The following TTL variants were observed in gnomAD, a reference collection of about 807,000 sequenced individuals.
The protein encoded by TTL is tubulin--tyrosine ligase.
TTL carries 10 observed loss-of-function variants against 41.1 expected under a neutral mutation model. The observed-to-expected ratio is 0.24, with a 90% CI of 0.15 to 0.41. TTL has a LOEUF of 0.41. Ranked by LOEUF, TTL falls within the 10% of genes least tolerant of loss-of-function variation. The probability of loss-of-function intolerance (pLI) is 1.00; values close to 1 mark genes in which losing one functional copy is unlikely to be tolerated. For missense variants in TTL, 367 were observed against 460.4 expected (o/e 0.80, Z 1.86); for synonymous variants, 175 against 175.5 (o/e 1.00, Z 0.02).
chr2:112,525,818 A>G (rs1473174993), intron 6 of TTL, among the ~76,000 whole-genome samples: 1 of 152,132 alleles, frequency 6.6e-6, no homozygotes, highest in Non-Finnish European at 1.5e-5. Flanking sequence ...AACTTCCAAC[A>G]CTATGTTGAA....
Position 112,482,396 on chromosome 2 carries a change from T to A in TTL, c.52T>A (p.Ser18Thr). 1 of 1,599,924 alleles carries A rather than the reference T, an allele frequency of 6.3e-7. No homozygotes were observed. The highest frequency in any genetic ancestry group is 8.5e-7 in the Non-Finnish European group (1 of 1,174,400). Residue 18 changes from serine (S) to threonine (T), a missense_variant, in exon 1 of 7, where the codon TCC becomes ACC. Transcript: ENST00000233336. The surrounding 1 kb of genome is among the most constrained non-coding windows in gnomAD (Gnocchi z 5.3). ...DENSSVYAEV[S>T]RLLLATGHWK... ...GAACAGCAGCGTCTACGCCGAGGTC[T>A]CCCGGCTGCTCCTCGCCACCGGCCA... is the stretch of plus-strand genomic sequence containing the variant.
rs12465241 is a variant in TTL, at chr2:112,533,808, G to A, written c.*5013G>A. 34,447 of 152,050 alleles carry A rather than the reference G, an allele frequency of 0.23. 4,574 individuals carry two copies. The highest frequency in any genetic ancestry group is 0.58 in the East Asian group (2,984 of 5,166). 9.4% of individuals were successfully genotyped at this position (152,050 alleles called of 1,614,324 possible). A position where few individuals can be genotyped will look rare whatever the true frequency, so the allele number is the denominator to read the frequency against. On this transcript the variant is annotated 3_prime_UTR_variant, in exon 7 of 7. Coordinates refer to ENST00000233336, the MANE Select transcript of TTL (RefSeq NM_153712.5). ...ATTAAGTTTCCAACACATTTACTTT[G>A]GGGAACACATTCAAACCATAGCAGT...
chr2:112,535,002 A>C lies in TTL; in HGVS notation c.*6207A>C, dbSNP rs1682573076. On this transcript the variant is annotated 3_prime_UTR_variant, in exon 7 of 7. Coordinates refer to ENST00000233336, the MANE Select transcript of TTL (RefSeq NM_153712.5). ...AAGGAAAGAAAGGCAGGCAGAAAGAAGGAGAAAGGGAGGGAGGGAGGGAAA... is the reference window on the plus strand; with the variant it reads ...AAGGAAAGAAAGGCAGGCAGAAAGACGGAGAAAGGGAGGGAGGGAGGGAAA... 1 of 140,082 alleles carries C rather than the reference A, an allele frequency of 7.1e-6. No homozygotes were observed. The highest frequency in any genetic ancestry group is 1.6e-5 in the Non-Finnish European group (1 of 63,784). The allele number at this position is 140,082 out of a possible 1,614,324, so 8.7% of individuals were successfully genotyped here.
chr2:112,494,436 G>T, intron 3 of TTL, 61 bp downstream of exon 3: 1 of 1,281,200 alleles, frequency 7.8e-7, no homozygotes, highest in South Asian at 1.4e-5. Flanking sequence ...GATGTATTTA[G>T]ATGAATGACC....
At chr2:112,518,096 G>A (rs1236603974) in intron 5 of TTL, among the ~76,000 whole-genome samples, 1 of 151,642 alleles carries the variant, frequency 6.6e-6, no homozygotes, top group Non-Finnish European at 1.5e-5. Flanking sequence ...GAGTTGCTGG[G>A]TTGCTGGGAT....
At chr2:112,496,750 C>G (rs1681542506) in intron 3 of TTL, among the ~76,000 whole-genome samples, 2 of 142,552 alleles carry the variant, frequency 1.4e-5, no homozygotes, top group Non-Finnish European at 1.5e-5. Flanking sequence ...CTTTGTTGCC[C>G]AGGCTGGAGT....
intron 3 of TTL, 131 bp downstream of exon 3, chr2:112,494,506 C>T (rs1384685111): frequency 4.2e-6 from 3 of 709,242 alleles, no homozygotes; most frequent in Non-Finnish European, 7.1e-6. Context: ...TTATAAATAC[C>T]CATCTATGTA....
intron 3 of TTL, among the ~76,000 whole-genome samples, chr2:112,497,412 G>T: frequency 6.6e-6 from 1 of 152,028 alleles, no homozygotes. Context: ...CTCTTGCTCT[G>T]TGTTATCCTC....
chr2:112,501,545 C>T (rs941340140), intron 4 of TTL, among the ~76,000 whole-genome samples: 14 of 151,714 alleles, frequency 9.2e-5, no homozygotes, highest in South Asian at 6.3e-4. Context: ...GAAAATGTTA[C>T]TACGATTATG....
At chr2:112,502,863 C>A in intron 4 of TTL, 49 bp from the exon 5 acceptor site, 1 of 1,564,240 alleles carries the variant, frequency 6.4e-7, no homozygotes, top group Non-Finnish European at 8.7e-7. Flanking sequence ...ATATAATATG[C>A]AGAAACTTTG....
chr2:112,482,377 C>T lies in TTL; in HGVS notation c.33C>T (p.Ser11=), dbSNP rs1307589807. Residue 11 remains serine, a synonymous_variant, in exon 1 of 7, where the codon AGC becomes AGT. Coordinates refer to ENST00000233336, the MANE Select transcript of TTL (RefSeq NM_153712.5). This position sits in a 1 kb window ranked among gnomAD's most constrained non-coding sequence, Gnocchi z 5.3. ...CCTTCGTGGTACGCGATGAGAACAG[C>T]AGCGTCTACGCCGAGGTCTCCCGGC... The part of the protein sequence containing the change: MYTFVVRDEN[S]SVYAEVSRLL... 3 of 1,583,258 alleles carry T rather than the reference C, an allele frequency of 1.9e-6. No homozygotes were observed. The South Asian group carries it at 3.4e-5, about 18-fold the overall frequency.
At position 112,533,529 on chromosome 2, in the gene TTL, G is replaced by A. The variant is rs908339714; in HGVS notation, c.*4734G>A. The A allele has an allele frequency of 6.6e-6, 1 of 152,248 alleles. No individual in the cohort carries two copies. The highest frequency in any genetic ancestry group is 2.4e-5 in the African/African-American group (1 of 41,458). 9.4% of individuals were successfully genotyped at this position (152,248 alleles called of 1,614,324 possible). A position where few individuals can be genotyped will look rare whatever the true frequency, so the allele number is the denominator to read the frequency against. On this transcript the variant is annotated 3_prime_UTR_variant, in exon 7 of 7. Transcript: ENST00000233336. The stretch of plus-strand genomic sequence containing the variant: ...CAGAATGTTACAGAGAAGTGTATGT[G>A]GCTCACGGTTCTGGAGGATGAGAAG...
chr2:112,495,849 A>T (rs1250608653), intron 3 of TTL, among the ~76,000 whole-genome samples: 1 of 152,058 alleles, frequency 6.6e-6, no homozygotes, highest in Non-Finnish European at 1.5e-5. Flanking sequence ...CAAAAATTAA[A>T]AAAAAAACCA....
intron 6 of TTL, among the ~76,000 whole-genome samples, chr2:112,524,430 A>G (rs573574055): frequency 5.9e-5 from 9 of 152,246 alleles, no homozygotes; most frequent in African/African-American, 9.6e-5. Flanking sequence ...AAGTGTTCCT[A>G]TTTCTCCACA....
At position 112,485,877 on chromosome 2, in the gene TTL, G is replaced by GGGGCTGACATTGTCATTCCCCACC. The variant is rs11271531; in HGVS notation, c.158-40_158-39insGGGCTGACATTGTCATTCCCCACC. The GGGGCTGACATTGTCATTCCCCACC allele has an allele frequency of 0.016, 24,484 of 1,566,036 alleles. 3,134 individuals are homozygous for GGGGCTGACATTGTCATTCCCCACC. The African/African-American group carries it at 0.29, about 18-fold the overall frequency. On this transcript the variant is annotated intron_variant, in intron 1 of 6. Transcript: ENST00000233336. Reference sequence around the variant, plus strand: ...ACAGCTGTCCTCTCTCCTGCTTGCTGTGTCCTGTGTCCCTTCTGAGCCTCC... The same window carrying GGGGCTGACATTGTCATTCCCCACC: ...ACAGCTGTCCTCTCTCCTGCTTGCTGGGGCTGACATTGTCATTCCCCACCTGTCCTGTGTCCCTTCTGAGCCTCC...
chr2:112,524,744 C>G (rs1682329136), intron 6 of TTL, among the ~76,000 whole-genome samples: 1 of 152,026 alleles, frequency 6.6e-6, no homozygotes, highest in African/African-American at 2.4e-5. Context: ...CTGTAGGTTG[C>G]CTGTTTGCTG....
At chr2:112,512,135 G>A (rs769763132) in intron 5 of TTL, among the ~76,000 whole-genome samples, 5 of 151,806 alleles carry the variant, frequency 3.3e-5, no homozygotes, top group African/African-American at 4.8e-5. Context: ...CTTGCTGCCC[G>A]GACTAGAGTG....
chr2:112,498,839 G>C (rs917691708), intron 3 of TTL, among the ~76,000 whole-genome samples: 2 of 151,884 alleles, frequency 1.3e-5, no homozygotes, highest in Admixed American at 6.6e-5. Flanking sequence ...CAGCCTAGGC[G>C]ACAAGACCAA....
chr2:112,489,912 A>T (rs544809466), intron 2 of TTL, among the ~76,000 whole-genome samples: 1 of 152,340 alleles, frequency 6.6e-6, no homozygotes, highest in African/African-American at 2.4e-5. Flanking sequence ...TTTGACAAAC[A>T]TTCCTTTTAT....
Sources: gnomAD v4.1 joint callset for allele counts (sites outside exome capture counted in the v4.1 genomes callset) on GRCh38, gnomAD v4.1.1 for gene constraint, Gnocchi (gnomAD v3.1) non-coding constraint, MANE v1.5 for transcripts, NCBI Gene and HGNC (gene_info 2026-07-23, HGNC 2026-07-21) for gene names.